Variants in ARHGEF16 observed in about 807,000 individuals in gnomAD.
The protein encoded by ARHGEF16 is Rho guanine exchange factor (GEF) 16.
Under a neutral mutation model 74.1 loss-of-function variants are expected in ARHGEF16, and 59 were observed. The observed-to-expected ratio is 0.80, with a 90% CI of 0.65 to 0.99. The LOEUF (loss-of-function observed/expected upper bound fraction) is 0.99. ARHGEF16 is among the 50% of genes least tolerant of loss of function. ARHGEF16 has a pLI of 0.00. For missense variants in ARHGEF16, 948 were observed against 986.6 expected, an observed-to-expected ratio of 0.96 and a Z score of 0.52; for synonymous variants, 415 against 412.6, an observed-to-expected ratio of 1.01 and a Z score of -0.07.
At chr1:3,473,598 G>A (rs764925325) in intron 8 of ARHGEF16, 76 bp downstream of exon 8, 3 of 1,586,800 alleles carry the variant, frequency 1.9e-6, no homozygotes, top group South Asian at 2.2e-5. Flanking sequence ...CCCGGATGGA[G>A]CATTACGTGC....
chr1:3,471,217 C>T (rs997744325), intron 6 of ARHGEF16, among the ~76,000 whole-genome samples: 1 of 152,040 alleles, frequency 6.6e-6, no homozygotes, highest in South Asian at 2.1e-4. Context: ...CATCGAGTCT[C>T]CTGAGCCTCA....
chr1:3,463,941 G>A (rs56391824), intron 2 of ARHGEF16, among the ~76,000 whole-genome samples: 8,015 of 152,322 alleles, frequency 0.053, 292 homozygotes, highest in East Asian at 0.13. Flanking sequence ...CCTTGGTGGA[G>A]GGCAGATCCC....
chr1:3,463,673 GTAGGGGCC>G lies in ARHGEF16; in HGVS notation c.588+3_588+10del, dbSNP rs1639466993. The stretch of plus-strand genomic sequence containing the variant: ...TACTCGGAGCCCGGCCAAAAACAAG[GTAGGGGCC>G]TGCTCGTGTGGACCGTGGGGAGGGG... On this transcript the variant is annotated splice_donor_variant and splice_donor_5th_base_variant and intron_variant, in intron 2 of 14. Coordinates refer to ENST00000378378, the MANE Select transcript of ARHGEF16 (RefSeq NM_014448.4). LOFTEE classifies it high-confidence loss of function. 1 of 1,413,454 alleles carries G rather than the reference GTAGGGGCC, an allele frequency of 7.1e-7. No individual in the cohort carries two copies. Among genetic ancestry groups the G allele is most frequent in the Non-Finnish European group, 9.3e-7 (1 of 1,077,892 alleles). 87.6% of individuals were successfully genotyped at this position (1,413,454 alleles called of 1,614,324 possible). A position where few individuals can be genotyped will look rare whatever the true frequency, so the allele number is the denominator to read the frequency against.
At chr1:3,466,998 G>C (rs1639564865) in intron 3 of ARHGEF16, 170 bp from the exon 4 acceptor site, 1 of 651,060 alleles carries the variant, frequency 1.5e-6, no homozygotes, top group East Asian at 2.9e-5. Context: ...TTGTGGCATA[G>C]GAGAGGTCTT....
intron 4 of ARHGEF16, among the ~76,000 whole-genome samples, chr1:3,468,150 G>A (rs1369873519): frequency 1.3e-5 from 2 of 152,194 alleles, no homozygotes; most frequent in African/African-American, 4.8e-5. Flanking sequence ...TCCCTCTGTC[G>A]GGGATGGAGT....
At chr1:3,468,747 A>T in intron 4 of ARHGEF16, 133 bp from the exon 5 acceptor site, 2 of 940,466 alleles carry the variant, frequency 2.1e-6, no homozygotes, top group South Asian at 2.9e-5. Flanking sequence ...CTACTCCAGG[A>T]TCGGACCTAC....
chr1:3,465,932 C>T (rs1451436116), intron 2 of ARHGEF16: 1 of 575,786 alleles, frequency 1.7e-6, no homozygotes, highest in Non-Finnish European at 3.1e-6. Flanking sequence ...CCTCCTCCTC[C>T]AAGCAGCCCT....
At position 3,474,702 on chromosome 1, in the gene ARHGEF16, A is replaced by T; in HGVS notation, c.1306-6A>T. ...ACTTTCTGTCCCATGTCTGTTGTCC[A>T]TCCAGACGCTCTGCCTCAAGACCCA... On this transcript the variant is annotated splice_polypyrimidine_tract_variant and splice_region_variant and intron_variant, in intron 8 of 14. Coordinates refer to ENST00000378378, the MANE Select transcript of ARHGEF16 (RefSeq NM_014448.4). 6.2e-7 allele frequency: 1 copy of T among 1,612,504 alleles called. No individual in the cohort carries two copies.
Position 3,463,443 on chromosome 1 carries a change from G to T in ARHGEF16, c.359G>T (p.Arg120Leu). 6.5e-7 allele frequency: 1 copy of T among 1,545,780 alleles called. No homozygotes were observed. Among genetic ancestry groups the T allele is most frequent in the Non-Finnish European group, 8.7e-7 (1 of 1,144,370 alleles). The change falls in exon 2 of 15, where the codon CGG (arginine) becomes CTG (leucine). Residue 120 changes from arginine (R) to leucine (L), a missense_variant. By Grantham distance (102) the Arg-to-Leu change is moderately radical. Transcript: ENST00000378378. ...AAVLSREAAR[R>L]DPKLLPAPSF... The stretch of plus-strand genomic sequence containing the variant: ...GTACTTAGCAGGGAGGCCGCCCGGC[G>T]GGACCCTAAGCTCCTCCCAGCCCCC...
At chr1:3,476,679 C>G in intron 10 of ARHGEF16, among the ~76,000 whole-genome samples, 1 of 152,276 alleles carries the variant, frequency 6.6e-6, no homozygotes, top group South Asian at 2.1e-4. Context: ...GGCCCCTCCC[C>G]TAAGGCGGGC....
chr1:3,472,495 T>C (rs1323696677), intron 6 of ARHGEF16, among the ~76,000 whole-genome samples: 7 of 151,958 alleles, frequency 4.6e-5, no homozygotes, highest in African/African-American at 1.7e-4. Flanking sequence ...CTAGTGAAAG[T>C]AAACAGTTCA....
rs996475206 is a variant in ARHGEF16, at chr1:3,480,876, C to T, written c.*289C>T. The T allele has an allele frequency of 2.0e-6, 1 of 502,658 alleles. No individual in the cohort carries two copies. 31.1% of individuals were successfully genotyped at this position (502,658 alleles called of 1,614,324 possible). A position where few individuals can be genotyped will look rare whatever the true frequency, so the allele number is the denominator to read the frequency against. ...CCTCAGCTGCTGGGCCCCACCTCCCCACTGCACCCAGGGGGCAACTCCACC... is the reference window on the plus strand; with the variant it reads ...CCTCAGCTGCTGGGCCCCACCTCCCTACTGCACCCAGGGGGCAACTCCACC... On this transcript the variant is annotated 3_prime_UTR_variant, in exon 15 of 15. Transcript: ENST00000378378.
intron 8 of ARHGEF16, chr1:3,474,107 T>A (rs2100754608): frequency 5.3e-6 from 1 of 189,810 alleles, no homozygotes; most frequent in East Asian, 1.3e-4. Context: ...CACACATGCA[T>A]GCACACTTGC....
At chr1:3,477,060 G>A (rs918187917) in intron 10 of ARHGEF16, among the ~76,000 whole-genome samples, 13 of 151,802 alleles carry the variant, frequency 8.6e-5, no homozygotes, top group African/African-American at 2.9e-4. Flanking sequence ...TCTTGGAAAC[G>A]GGTGTGGGGG....
At chr1:3,467,849 C>T (rs149973079) in intron 4 of ARHGEF16, among the ~76,000 whole-genome samples, 19 of 152,194 alleles carry the variant, frequency 1.2e-4, no homozygotes, top group South Asian at 4.1e-4. Flanking sequence ...CCAGGTGGAC[C>T]GGCATGTGAC....
intron 3 of ARHGEF16, among the ~76,000 whole-genome samples, chr1:3,466,778 C>T (rs902777298): frequency 1.3e-5 from 2 of 152,200 alleles, no homozygotes; most frequent in African/African-American, 4.8e-5. Flanking sequence ...GCCTGAGGCT[C>T]CAAGACACAA....
intron 6 of ARHGEF16, among the ~76,000 whole-genome samples, chr1:3,470,874 GTGTA>G (rs1639696988): frequency 7.0e-6 from 1 of 142,394 alleles, no homozygotes; most frequent in African/African-American, 2.6e-5. Flanking sequence ...GTGGGCAGGG[GTGTA>G]TGTGCGTGGG....
chr1:3,462,243 C>T (rs1250271384), intron 1 of ARHGEF16, among the ~76,000 whole-genome samples: 2 of 152,164 alleles, frequency 1.3e-5, no homozygotes, highest in Non-Finnish European at 2.9e-5. Flanking sequence ...AGGTGTCATA[C>T]TGGACTCTCG....
Position 3,479,593 on chromosome 1 carries a change from G to A in ARHGEF16, c.1888+3G>A. 6.2e-7 allele frequency: 1 copy of A among 1,610,940 alleles called. No individual in the cohort carries two copies. The highest frequency in any genetic ancestry group is 1.1e-5 in the South Asian group (1 of 90,818). Reference sequence around the variant, plus strand: ...GCAGGGCCTCTCCAGCAAAGGAGGTGAGTGCGGGCTGGGGCCTGCAGGGCT... The same window carrying A: ...GCAGGGCCTCTCCAGCAAAGGAGGTAAGTGCGGGCTGGGGCCTGCAGGGCT... On this transcript the variant is annotated splice_donor_region_variant and intron_variant, in intron 13 of 14. Transcript: ENST00000378378.
Sources: gnomAD v4.1 joint callset for allele counts (sites outside exome capture counted in the v4.1 genomes callset) on GRCh38, gnomAD v4.1.1 for gene constraint, MANE v1.5 for transcripts, NCBI Gene and HGNC (gene_info 2026-07-23, HGNC 2026-07-21) for gene names.